Variants in KCTD14 observed in about 807,000 individuals in gnomAD.
KCTD14 encodes BTB/POZ domain-containing protein KCTD14.
A neutral mutation model predicts 5.9 loss-of-function variants in KCTD14; 7 were observed. That is an observed-to-expected ratio of 1.19 (90% CI 0.68 to 2.23). The LOEUF (loss-of-function observed/expected upper bound fraction) is 2.23. Among genes scored for constraint, KCTD14 ranks in the 30% most tolerant of loss-of-function variants. The pLI is 0.00. For synonymous variants in KCTD14, 140 were observed against 133.1 expected (o/e 1.05, Z -0.36); for missense variants, 342 against 332.2 (o/e 1.03, Z -0.23).
Position 78,017,111 on chromosome 11 carries a change from T to C in KCTD14, c.250A>G (p.Thr84Ala). 1 of 1,614,146 alleles carries C rather than the reference T, an allele frequency of 6.2e-7. No individual in the cohort carries two copies. Among genetic ancestry groups the C allele is most frequent in the Non-Finnish European group, 8.5e-7 (1 of 1,180,024 alleles). ...EGRFFIDRPS[T>A]YFRPILDYLR... is the part of the protein sequence containing the mutation. Reference sequence around the variant, plus strand: ...TAGTCCAGGATGGGTCTGAAATAGGTGCTGGGGCGGTCGATGAAGAAGCGG... The same window carrying C: ...TAGTCCAGGATGGGTCTGAAATAGGCGCTGGGGCGGTCGATGAAGAAGCGG... Residue 84 changes from threonine to alanine, a missense_variant, in exon 2 of 2, where the codon ACC (threonine) becomes GCC (alanine). Physicochemically the swap from Thr to Ala is moderately conservative, Grantham distance 58 (BLOSUM62 0). Coordinates refer to ENST00000353172, the MANE Select transcript of KCTD14 (RefSeq NM_023930.4).
At chr11:78,028,727 G>A (rs1324968004) in intron 2 of KCTD14, among the ~76,000 whole-genome samples, 1 of 152,076 alleles carries the variant, frequency 6.6e-6, no homozygotes, top group East Asian at 1.9e-4. Context: ...GATCAGTTGA[G>A]CCCAGGAGTT....
intron 1 of KCTD14, 91 bp downstream of exon 1, chr11:78,023,069 G>C: frequency 2.3e-6 from 2 of 872,834 alleles, no homozygotes; most frequent in East Asian, 5.5e-5. Context: ...GCGTCTGGGA[G>C]GGACGGGCAG....
At chr11:78,021,441 C>T (rs1398840365) in intron 1 of KCTD14, among the ~76,000 whole-genome samples, 1 of 151,276 alleles carries the variant, frequency 6.6e-6, no homozygotes, top group Non-Finnish European at 1.5e-5. Flanking sequence ...TGTTTTGAGA[C>T]AAGGTCTCAC....
At chr11:78,027,449 G>A (rs1479092879), upstream of KCTD14, among the ~76,000 whole-genome samples, 8 of 146,498 alleles carry the variant, frequency 5.5e-5, no homozygotes, top group Non-Finnish European at 1.0e-4. Context: ...TACAACCTCT[G>A]CCTCCCAAGT....
At chr11:78,041,004 C>T (rs1406468491) in intron 1 of KCTD14, among the ~76,000 whole-genome samples, 1 of 152,170 alleles carries the variant, frequency 6.6e-6, no homozygotes, top group Admixed American at 6.5e-5. Flanking sequence ...GTGATTTTGC[C>T]TCTCACAAAG....
At chr11:78,025,608 G>A (rs1857445288), upstream of KCTD14, among the ~76,000 whole-genome samples, 1 of 152,148 alleles carries the variant, frequency 6.6e-6, no homozygotes, top group Non-Finnish European at 1.5e-5. Flanking sequence ...CCCTTATGAG[G>A]CCTAACTAGC....
intron 2 of KCTD14, among the ~76,000 whole-genome samples, chr11:78,033,396 CAG>C (rs1235034108): frequency 6.6e-5 from 10 of 152,062 alleles, no homozygotes; most frequent in African/African-American, 2.2e-4. Context: ...ATAACAAAGA[CAG>C]GGGCAGGGCA....
At chr11:78,028,019 G>A (rs940677502), upstream of KCTD14, among the ~76,000 whole-genome samples, 1 of 152,098 alleles carries the variant, frequency 6.6e-6, no homozygotes, top group African/African-American at 2.4e-5. Flanking sequence ...GTCATGGCCT[G>A]AACTAGTTTT....
chr11:78,028,142 G>A (rs1019909958), upstream of KCTD14, among the ~76,000 whole-genome samples: 3 of 152,122 alleles, frequency 2.0e-5, no homozygotes, highest in African/African-American at 7.2e-5. Context: ...TTGATGTGAT[G>A]TGAGGAAAAT....
chr11:78,016,252 G>C lies in KCTD14; in HGVS notation c.*341C>G, dbSNP rs1032613209. 1.8e-4 allele frequency: 57 copies of C among 308,322 alleles called. No homozygotes were observed. The highest frequency in any genetic ancestry group is 3.2e-4 in the Non-Finnish European group (53 of 165,066). 19.1% of individuals were successfully genotyped at this position (308,322 alleles called of 1,614,324 possible). ...CTACATCTTTAGGTCAGAACATCTAGATTCACAGTATCTTGTATGTTCCTG... is the reference window on the plus strand; with the variant it reads ...CTACATCTTTAGGTCAGAACATCTACATTCACAGTATCTTGTATGTTCCTG... On this transcript the variant is annotated 3_prime_UTR_variant, in exon 2 of 2. Coordinates refer to ENST00000353172, the MANE Select transcript of KCTD14 (RefSeq NM_023930.4).
intron 1 of KCTD14, among the ~76,000 whole-genome samples, chr11:78,043,666 T>A (rs1858053946): frequency 6.6e-6 from 1 of 152,104 alleles, no homozygotes; most frequent in African/African-American, 2.4e-5. Context: ...TTGACTCGGG[T>A]CTTCTAAGAC....
At chr11:78,023,062 T>G in intron 1 of KCTD14, 98 bp downstream of exon 1, 2 of 814,384 alleles carry the variant, frequency 2.5e-6, no homozygotes, top group South Asian at 3.3e-5. Flanking sequence ...GGCTCGGGCG[T>G]CTGGGAGGGA....
At chr11:78,025,130 A>G (rs1379122252), upstream of KCTD14, among the ~76,000 whole-genome samples, 29 of 70,072 alleles carry the variant, frequency 4.1e-4, no homozygotes, top group African/African-American at 2.0e-3. Flanking sequence ...ATATATATAT[A>G]TATATATATA....
chr11:78,022,851 G>T, intron 1 of KCTD14: 1 of 310,284 alleles, frequency 3.2e-6, no homozygotes, highest in Non-Finnish European at 6.0e-6. Context: ...AGGACAAGCC[G>T]GTGGGGAAGA....
chr11:78,031,089 C>A (rs1857600585), intron 2 of KCTD14, among the ~76,000 whole-genome samples: 1 of 149,960 alleles, frequency 6.7e-6, no homozygotes, highest in South Asian at 2.1e-4. Flanking sequence ...ACTCTGTCAC[C>A]CAGACTCTAG....
At chr11:78,033,901 G>GTGTGTGTGTACATATATATATATATA in intron 2 of KCTD14, among the ~76,000 whole-genome samples, 6,151 of 115,210 alleles carry the variant, frequency 0.053, 343 homozygotes, top group East Asian at 0.068. Context: ...GTGTGTGTGT[G>GTGTGTGTGTACATATATATATATATA]TATATATATA....
chr11:78,035,295 A>C (rs1047077429), intron 2 of KCTD14, among the ~76,000 whole-genome samples: 1 of 152,060 alleles, frequency 6.6e-6, no homozygotes, highest in Non-Finnish European at 1.5e-5. Context: ...AGTTTGGCCA[A>C]TGGGAGCTTA....
chr11:78,042,204 C>T (rs1591198022), intron 1 of KCTD14, among the ~76,000 whole-genome samples: 1 of 152,114 alleles, frequency 6.6e-6, no homozygotes, highest in Non-Finnish European at 1.5e-5. Flanking sequence ...GGAGAAATTT[C>T]GTTCATAGTT....
Position 78,016,510 on chromosome 11 carries a change from G to C in KCTD14, c.*83C>G. ...ACCCTGGAAATTGCCTGATGTTTGT[G>C]AAATTAAAAGAAAATGGCTTTGATG... On this transcript the variant is annotated 3_prime_UTR_variant, in exon 2 of 2. Coordinates refer to ENST00000353172, the MANE Select transcript of KCTD14 (RefSeq NM_023930.4). 8.0e-7 allele frequency: 1 copy of C among 1,247,306 alleles called. No homozygotes were observed. Among genetic ancestry groups the C allele is most frequent in the South Asian group, 1.5e-5 (1 of 67,440 alleles). 77.3% of individuals were successfully genotyped at this position (1,247,306 alleles called of 1,614,324 possible).
Sources: gnomAD v4.1 joint callset for allele counts (sites outside exome capture counted in the v4.1 genomes callset) on GRCh38, gnomAD v4.1.1 for gene constraint, MANE v1.5 for transcripts, NCBI Gene and HGNC (gene_info 2026-07-23, HGNC 2026-07-21) for gene names.